The following PAXBP1 variants were observed in gnomAD, a reference collection of about 807,000 sequenced individuals.
PAXBP1 encodes the protein PAX3 and PAX7 binding protein 1.
A neutral mutation model predicts 119.9 loss-of-function variants in PAXBP1; 44 were observed. The ratio of observed to expected loss-of-function variants is 0.37; its 90% CI spans 0.29 to 0.47. The LOEUF (loss-of-function observed/expected upper bound fraction) is 0.47, where lower values mean the gene tolerates loss of function less well. PAXBP1 is among the 20% of genes least tolerant of loss of function. The pLI, the probability that PAXBP1 is intolerant of heterozygous loss-of-function variation, is 0.99. For missense variants in PAXBP1, 898 were observed against 1,134.1 expected (o/e 0.79, Z 2.99); for synonymous variants, 393 against 406.6 (o/e 0.97, Z 0.40).
chr21:32,771,654 G>C lies in PAXBP1; in HGVS notation c.15C>G (p.Ala5=), dbSNP rs886119515. 4.8e-5 allele frequency: 69 copies of C among 1,431,460 alleles called. No homozygotes were observed. The highest frequency in any genetic ancestry group is 6.0e-5 in the Non-Finnish European group (66 of 1,095,544). The allele number at this position is 1,431,460 out of a possible 1,614,324, so 88.7% of individuals were successfully genotyped here. ...TCCGCTTGCGCACGTTCACCCGCCG[G>C]GCCTTTCGGAACATCCCCGCGGCCC... MFRK[A]RRVNVRKRND... is the part of the protein sequence containing the mutation. The change falls in exon 1 of 18, where the codon GCC becomes GCG. Residue 5 remains alanine (A), a synonymous_variant. Coordinates refer to ENST00000331923, the MANE Select transcript of PAXBP1 (RefSeq NM_016631.4).
intron 10 of PAXBP1, 111 bp downstream of exon 10, chr21:32,750,806 T>G (rs962763491): frequency 4.5e-5 from 33 of 739,918 alleles, no homozygotes; most frequent in Admixed American, 2.1e-4. Context: ...AAAAAAGAAG[T>G]GTCTGGTTCT....
At chr21:32,736,553 G>C (rs1249533613) in intron 17 of PAXBP1, among the ~76,000 whole-genome samples, 1 of 152,048 alleles carries the variant, frequency 6.6e-6, no homozygotes, top group Non-Finnish European at 1.5e-5. Flanking sequence ...CAGGAAAATA[G>C]GTCCTTTTTC....
intron 11 of PAXBP1, among the ~76,000 whole-genome samples, chr21:32,745,934 A>C (rs2043865428): frequency 6.6e-6 from 1 of 152,248 alleles, no homozygotes; most frequent in Non-Finnish European, 1.5e-5. Context: ...GACCAATGGA[A>C]CAGAATAGAG....
At chr21:32,744,548 T>G (rs2043843021) in intron 13 of PAXBP1, among the ~76,000 whole-genome samples, 1 of 152,104 alleles carries the variant, frequency 6.6e-6, no homozygotes. Flanking sequence ...TGATGACATC[T>G]TCCTTCCATA....
chr21:32,743,948 T>TA (rs2043828700), intron 13 of PAXBP1, among the ~76,000 whole-genome samples, 194 bp from the exon 14 acceptor site: 1 of 152,166 alleles, frequency 6.6e-6, no homozygotes, highest in African/African-American at 2.4e-5. Context: ...TGCCAAGCAA[T>TA]AAAGCTTTAG....
intron 15 of PAXBP1, among the ~76,000 whole-genome samples, chr21:32,738,559 A>G (rs781604373): frequency 3.3e-5 from 5 of 152,156 alleles, no homozygotes; most frequent in African/African-American, 7.2e-5. Flanking sequence ...TGGTCAGCAC[A>G]GATACAGAAC....
chr21:32,735,092 T>A (rs753429701), intron 17 of PAXBP1, 25 bp from the exon 18 acceptor site: 19 of 1,507,808 alleles, frequency 1.3e-5, no homozygotes, highest in Non-Finnish European at 1.5e-5. Context: ...TATAGCAGCA[T>A]CTCATTAATT....
chr21:32,745,170 G>A (rs1211676685), intron 12 of PAXBP1, among the ~76,000 whole-genome samples: 1 of 152,130 alleles, frequency 6.6e-6, no homozygotes. Context: ...ATGTTGTCTT[G>A]GCATCAAGAA....
At position 32,764,345 on chromosome 21, in the gene PAXBP1, C is replaced by T. The variant is rs756874345; in HGVS notation, c.649+3G>A. 2.5e-6 allele frequency: 4 copies of T among 1,613,538 alleles called. No individual in the cohort carries two copies. Among genetic ancestry groups the T allele is most frequent in the South Asian group, 1.1e-5 (1 of 91,022 alleles). ...GTTCTGAGAAATACTTTTGAGTACA[C>T]ACCTGGACGAAGAACATTCAATGAA... On this transcript the variant is annotated splice_donor_region_variant and intron_variant, in intron 3 of 17. Coordinates refer to ENST00000331923, the MANE Select transcript of PAXBP1 (RefSeq NM_016631.4).
At chr21:32,760,590 C>T (rs1156810484) in intron 5 of PAXBP1, among the ~76,000 whole-genome samples, 1 of 152,056 alleles carries the variant, frequency 6.6e-6, no homozygotes, top group Non-Finnish European at 1.5e-5. Context: ...AAATAAGCTA[C>T]ACGCACAAAA....
At chr21:32,742,480 G>C (rs1227424233) in intron 15 of PAXBP1, 1 of 152,288 alleles carries the variant, frequency 6.6e-6, no homozygotes. Flanking sequence ...ACTTCCTCAG[G>C]GTGGAAGGAA....
intron 1 of PAXBP1, 55 bp downstream of exon 1, chr21:32,771,271 G>T: frequency 6.8e-7 from 1 of 1,466,410 alleles, no homozygotes; most frequent in Non-Finnish European, 9.1e-7. Context: ...GGCGGGGGAC[G>T]GGGGCCTGCG....
At position 32,755,156 on chromosome 21, in the gene PAXBP1, C is replaced by T. The variant is rs920887407; in HGVS notation, c.1507+74G>A. The T allele has an allele frequency of 8.8e-6, 11 of 1,247,474 alleles. No individual in the cohort carries two copies. The African/African-American group carries it at 1.3e-4, about 15-fold the overall frequency. 77.3% of individuals were successfully genotyped at this position (1,247,474 alleles called of 1,614,324 possible). The stretch of plus-strand genomic sequence containing the variant: ...AAAAAAAAAAAAAGCTCCAAGATCT[C>T]TAATTTTCAATTAGGCTGCACTAAG... On this transcript the variant is annotated intron_variant, in intron 8 of 17. Coordinates refer to ENST00000331923, the MANE Select transcript of PAXBP1 (RefSeq NM_016631.4).
chr21:32,734,759 C>T lies in PAXBP1; in HGVS notation c.*191G>A. On this transcript the variant is annotated 3_prime_UTR_variant, in exon 18 of 18. Transcript: ENST00000331923. ...TATGACAGGCAGTAAAGAAAACATT[C>T]ATAGACTCCTAGAAATAATCTGAAT... is the stretch of plus-strand genomic sequence containing the variant. 1.7e-6 allele frequency: 1 copy of T among 598,772 alleles called. No homozygotes were observed. The highest frequency in any genetic ancestry group is 2.0e-5 in the South Asian group (1 of 49,388). 37.1% of individuals were successfully genotyped at this position (598,772 alleles called of 1,614,324 possible).
At chr21:32,746,545 CAAT>C (rs1474242099) in intron 11 of PAXBP1, among the ~76,000 whole-genome samples, 1 of 152,176 alleles carries the variant, frequency 6.6e-6, no homozygotes, top group Non-Finnish European at 1.5e-5. Context: ...ATCTAAACCA[CAAT>C]GAGATACCAT....
chr21:32,743,023 T>A (rs1373742420), intron 15 of PAXBP1: 1 of 636,706 alleles, frequency 1.6e-6, no homozygotes, highest in South Asian at 1.5e-5. Context: ...GGCATTTCGT[T>A]GAGTACGATG....
In PAXBP1 at chr21:32,762,166, G is replaced by T; in HGVS notation, c.801C>A (p.Asp267Glu). The T allele has an allele frequency of 6.2e-7, 1 of 1,614,006 alleles. No homozygotes were observed. The change falls in exon 4 of 18, where the codon GAC becomes GAA. Residue 267 changes from aspartate (D) to glutamate (E), a missense_variant. By Grantham distance (45) the Asp-to-Glu change is conservative. Around this residue, in one of 2 missense-constraint regions of PAXBP1, gnomAD observed 599 missense variants for 852.7 expected, o/e 0.70. Coordinates refer to ENST00000331923, the MANE Select transcript of PAXBP1 (RefSeq NM_016631.4). The stretch of plus-strand genomic sequence containing the variant: ...AAAAAACTATCCGGCGTTTCTCATC[G>T]TCATCTTCATCATCACTGGCATCAT... ...DENDASDDEDDDEKRRIVFSV... is the reference protein window; with the variant it reads ...DENDASDDEDEDEKRRIVFSV...
chr21:32,752,418 G>C (rs1031561720), intron 8 of PAXBP1, among the ~76,000 whole-genome samples: 6 of 150,990 alleles, frequency 4.0e-5, no homozygotes, highest in Non-Finnish European at 7.4e-5. Context: ...AGATATGACA[G>C]TAAGGGGAGG....
At chr21:32,737,542 G>T in intron 16 of PAXBP1, 134 bp from the exon 17 acceptor site, 1 of 686,308 alleles carries the variant, frequency 1.5e-6, no homozygotes, top group Non-Finnish European at 2.2e-6. Context: ...TTACTCTGAA[G>T]AAATATTCTT....
Sources: allele counts gnomAD v4.1 joint callset (sites outside exome capture counted in the v4.1 genomes callset), GRCh38; gene constraint gnomAD v4.1.1; regional missense constraint gnomAD v4.1.1; transcripts MANE v1.5; gene names NCBI Gene and HGNC (gene_info 2026-07-23, HGNC 2026-07-21).